Variants in LARP4B observed in about 807,000 individuals in gnomAD.
LARP4B encodes the protein La ribonucleoprotein 4B.
In LARP4B, 12 loss-of-function variants were observed where a neutral mutation model predicts 89.8. The ratio of observed to expected loss-of-function variants is 0.13; its 90% CI spans 0.09 to 0.22. The LOEUF is 0.22. Among genes scored for constraint, LARP4B ranks in the 10% least tolerant of loss-of-function variants. The pLI, the probability that LARP4B is intolerant of heterozygous loss-of-function variation, is 1.00. For missense variants in LARP4B, 757 were observed against 947.7 expected (o/e 0.80, Z 2.64); for synonymous variants, 367 against 363.3 (o/e 1.01, Z -0.12).
At chr10:832,047 T>A (rs375905363) in intron 8 of LARP4B, among the ~76,000 whole-genome samples, 7 of 152,292 alleles carry the variant, frequency 4.6e-5, no homozygotes, top group Middle Eastern at 3.4e-3. Context: ...TATTTTTTTT[T>A]ATTTATTTAT....
intron 8 of LARP4B, among the ~76,000 whole-genome samples, chr10:834,433 T>G (rs1013210135): frequency 6.6e-6 from 1 of 152,210 alleles, no homozygotes; most frequent in Non-Finnish European, 1.5e-5. Context: ...GTATTTAAAA[T>G]GTACTAATCA....
intron 1 of LARP4B, among the ~76,000 whole-genome samples, chr10:925,691 G>A (rs192654132): frequency 2.7e-4 from 41 of 152,108 alleles, no homozygotes; most frequent in African/African-American, 7.5e-4. Flanking sequence ...GCACCACCAC[G>A]CCTGGCTAAT....
rs970108237 is a variant in LARP4B, at chr10:833,572, G to A, written c.751-2595C>T. 3.2e-4 allele frequency among the ~76,000 whole-genome samples: 48 copies of A among 152,176 alleles called. 1 individual carries two copies. Among genetic ancestry groups the A allele is most frequent in the African/African-American group, 9.6e-5 (4 of 41,458 alleles). On this transcript the variant is annotated intron_variant, in intron 8 of 17. Coordinates refer to ENST00000316157, the MANE Select transcript of LARP4B (RefSeq NM_015155.3). The stretch of plus-strand genomic sequence containing the variant: ...TCATTACATCATTAACCTCTTAAAT[G>A]TAGATGGGCTACACTCCCAATTAAA...
chr10:951,028 GTCTC>G, the LARP4B span, among the ~76,000 whole-genome samples: 11 of 150,670 alleles, frequency 7.3e-5, no homozygotes, highest in Admixed American at 2.0e-4. Context: ...CTCTCTCTCA[GTCTC>G]TCTCTCTTTC....
chr10:866,130 G>T (rs984018583), intron 3 of LARP4B, among the ~76,000 whole-genome samples: 2 of 152,194 alleles, frequency 1.3e-5, no homozygotes, highest in African/African-American at 4.8e-5. Flanking sequence ...TGCTCCCCCA[G>T]TCACTGGAGC....
chr10:881,743 T>C (rs970521330), intron 3 of LARP4B, among the ~76,000 whole-genome samples: 2 of 152,218 alleles, frequency 1.3e-5, no homozygotes, highest in African/African-American at 4.8e-5. Context: ...TCTTCTAGAC[T>C]CACCTACGTC....
chr10:922,068 G>C (rs1310277569), intron 1 of LARP4B, among the ~76,000 whole-genome samples: 1 of 152,100 alleles, frequency 6.6e-6, no homozygotes, highest in African/African-American at 2.4e-5. Context: ...TCCACAGACA[G>C]AGCGGAGGGG....
Position 825,190 on chromosome 10 carries a change from T to C in LARP4B, c.1359A>G (p.Gln453=), listed in dbSNP as rs1311036618. 6.2e-7 allele frequency: 1 copy of C among 1,614,222 alleles called. No individual in the cohort carries two copies. The highest frequency in any genetic ancestry group is 1.3e-5 in the African/African-American group (1 of 75,062). Residue 453 remains glutamine, a synonymous_variant, in exon 13 of 18, where the codon CAA becomes CAG. Coordinates refer to ENST00000316157, the MANE Select transcript of LARP4B (RefSeq NM_015155.3). ...DRLINGVRSP[Q]TRQAGQTRTR... Reference sequence around the variant, plus strand: ...TTCTAGTTTGACCTGCTTGCCTTGTTTGTGGACTCCGGACACCATTAATTA... The same window carrying C: ...TTCTAGTTTGACCTGCTTGCCTTGTCTGTGGACTCCGGACACCATTAATTA...
At chr10:850,795 T>C (rs1361930880) in intron 5 of LARP4B, among the ~76,000 whole-genome samples, 3 of 151,894 alleles carry the variant, frequency 2.0e-5, no homozygotes, top group East Asian at 1.9e-4. Flanking sequence ...GAAATTAAAC[T>C]AGAAATTAAT....
the LARP4B span, chr10:987,928 G>A: frequency 5.9e-5 from 9 of 152,510 alleles, no homozygotes; most frequent in South Asian, 2.0e-4. Context: ...CACGGCCCGG[G>A]ATCAAGTCCC....
chr10:900,071 C>T (rs1420868183), intron 1 of LARP4B, among the ~76,000 whole-genome samples: 1 of 151,778 alleles, frequency 6.6e-6, no homozygotes, highest in East Asian at 1.9e-4. Flanking sequence ...CATGGCCAGG[C>T]ACAGTGGCTC....
chr10:816,817 T>C (rs1167628755), intron 15 of LARP4B, among the ~76,000 whole-genome samples: 2 of 152,224 alleles, frequency 1.3e-5, no homozygotes, highest in African/African-American at 2.4e-5. Flanking sequence ...ATTGTAAAGA[T>C]ACTGCATCAA....
At chr10:890,206 G>A (rs754798336) in intron 1 of LARP4B, among the ~76,000 whole-genome samples, 6 of 152,012 alleles carry the variant, frequency 3.9e-5, no homozygotes, top group Non-Finnish European at 7.4e-5. Context: ...CTCCCTATTC[G>A]CAATAATCTG....
chr10:967,063 G>C, the LARP4B span, among the ~76,000 whole-genome samples: 1 of 152,198 alleles, frequency 6.6e-6, no homozygotes, highest in Non-Finnish European at 1.5e-5. Flanking sequence ...AGGGGTCTCC[G>C]ATGAGGCCTC....
intron 3 of LARP4B, among the ~76,000 whole-genome samples, chr10:876,869 G>C (rs1036549580): frequency 2.6e-5 from 4 of 152,128 alleles, no homozygotes; most frequent in African/African-American, 4.8e-5. Context: ...GACATCTCTT[G>C]AAATCTAGGT....
chr10:845,525 T>A (rs1001441618), intron 5 of LARP4B, among the ~76,000 whole-genome samples: 1 of 152,238 alleles, frequency 6.6e-6, no homozygotes, highest in African/African-American at 2.4e-5. Context: ...GGCTTCAATT[T>A]GCCTTCCAAC....
chr10:928,058 C>CAAA (rs373724119), intron 1 of LARP4B, among the ~76,000 whole-genome samples: 1 of 138,794 alleles, frequency 7.2e-6, no homozygotes, highest in Non-Finnish European at 1.6e-5. Context: ...ACTAAAAATA[C>CAAA]AAAAAAAAAA....
intron 11 of LARP4B, among the ~76,000 whole-genome samples, chr10:828,247 C>T (rs1405654264): frequency 1.3e-5 from 2 of 152,314 alleles, no homozygotes; most frequent in East Asian, 3.9e-4. Flanking sequence ...CTACGACCAT[C>T]TTCTGTTCAT....
intron 1 of LARP4B, among the ~76,000 whole-genome samples, chr10:926,566 G>C (rs1449874810): frequency 1.3e-5 from 2 of 152,204 alleles, no homozygotes; most frequent in Non-Finnish European, 2.9e-5. Flanking sequence ...CCAGCCATCA[G>C]GCTATGCCAC....
Sources: allele counts gnomAD v4.1 joint callset (sites outside exome capture counted in the v4.1 genomes callset), GRCh38; gene constraint gnomAD v4.1.1; transcripts MANE v1.5; gene names NCBI Gene and HGNC (gene_info 2026-07-23, HGNC 2026-07-21).